TBCK: variants seen among roughly 807,000 people sequenced by gnomAD.
The protein encoded by TBCK is TBC1 domain containing kinase.
A neutral mutation model predicts 113.4 loss-of-function variants in TBCK; 99 were observed. That is an observed-to-expected ratio of 0.87 (90% confidence interval 0.74 to 1.03). The LOEUF is 1.03. Ranked by LOEUF, TBCK falls within the 50% of genes least tolerant of loss-of-function variation. The probability of loss-of-function intolerance (pLI) is 0.00; values close to 1 mark genes in which losing one functional copy is unlikely to be tolerated. For missense variants in TBCK, 1,045 were observed against 1,061.3 expected, an observed-to-expected ratio of 0.98 and a Z score of 0.21; for synonymous variants, 369 against 370.8, an observed-to-expected ratio of 1.00 and a Z score of 0.05.
chr4:106,087,793 C>T lies in TBCK; in HGVS notation c.2571+7689G>A, dbSNP rs551319666. ...AGAACAGAGATCTCAGAAATAATACCACATGTCTACAACCATCTGATCTTC... is the reference window on the plus strand; with the variant it reads ...AGAACAGAGATCTCAGAAATAATACTACATGTCTACAACCATCTGATCTTC... On this transcript the variant is annotated intron_variant, in intron 25 of 25. Transcript: ENST00000394708. Among the ~76,000 whole-genome samples the T allele has an allele frequency of 6.6e-5, 10 of 152,256 alleles. No individual in the cohort carries two copies. The South Asian group carries it at 1.9e-3, about 28-fold the overall frequency.
chr4:106,049,103 G>A lies in TBCK; in HGVS notation c.2572-2423C>T, dbSNP rs566318590. Among the ~76,000 whole-genome samples the A allele has an allele frequency of 3.9e-5, 6 of 152,186 alleles. No homozygotes were observed. The South Asian group carries it at 1.2e-3, about 32-fold the overall frequency. ...TATCCATGTTAAATACTGGCCCCTG[G>A]CAGTGAAACCACGACTGCATCTTTT... On this transcript the variant is annotated intron_variant, in intron 25 of 25. Transcript: ENST00000394708.
chr4:106,314,616 A>ATTTTTTTTTT (rs869091052), intron 1 of TBCK, among the ~76,000 whole-genome samples: 2 of 102,060 alleles, frequency 2.0e-5, no homozygotes, highest in Non-Finnish European at 3.8e-5. Context: ...ATACTACTTG[A>ATTTTTTTTTT]TTTTTTTTTT....
chr4:106,212,455 C>G (rs915158778), intron 20 of TBCK, among the ~76,000 whole-genome samples: 1 of 152,086 alleles, frequency 6.6e-6, no homozygotes, highest in Non-Finnish European at 1.5e-5. Flanking sequence ...AAAATCAGGC[C>G]TGAATATCAT....
intron 21 of TBCK, 71 bp from the exon 22 acceptor site, chr4:106,193,841 A>AT (rs756246661): frequency 1.8e-4 from 178 of 1,016,738 alleles, no homozygotes; most frequent in Non-Finnish European, 2.4e-4. Flanking sequence ...AACTTACTTT[A>AT]CTAGTTCTAT....
chr4:106,078,856 A>G (rs1287327316), intron 25 of TBCK, among the ~76,000 whole-genome samples: 1 of 152,190 alleles, frequency 6.6e-6, no homozygotes, highest in Non-Finnish European at 1.5e-5. Flanking sequence ...CTTCAGGTCA[A>G]TATCTCTGAT....
chr4:106,229,450 T>C (rs1044464544), intron 19 of TBCK, among the ~76,000 whole-genome samples: 1 of 152,062 alleles, frequency 6.6e-6, no homozygotes, highest in Admixed American at 6.6e-5. Flanking sequence ...TCTAGTTTCA[T>C]TCTTCTGCAT....
chr4:106,086,222 TAGAC>T (rs1229779544), intron 25 of TBCK, among the ~76,000 whole-genome samples: 2 of 151,664 alleles, frequency 1.3e-5, no homozygotes, highest in African/African-American at 4.8e-5. Flanking sequence ...AAGAATCAAA[TAGAC>T]AGGATAAAAA....
At chr4:106,077,296 G>A (rs1032501201) in intron 25 of TBCK, among the ~76,000 whole-genome samples, 1 of 152,154 alleles carries the variant, frequency 6.6e-6, no homozygotes, top group African/African-American at 2.4e-5. Flanking sequence ...AAAGCGTGAT[G>A]ATAAGACCAA....
intron 11 of TBCK, 133 bp from the exon 12 acceptor site, chr4:106,242,702 A>C: frequency 1.9e-6 from 1 of 517,362 alleles, no homozygotes; most frequent in Non-Finnish European, 3.3e-6. Context: ...TGTTTAATAA[A>C]ACAATGTTTT....
intron 5 of TBCK, among the ~76,000 whole-genome samples, chr4:106,256,648 T>C (rs900002491): frequency 6.6e-6 from 1 of 152,018 alleles, no homozygotes; most frequent in Non-Finnish European, 1.5e-5. Context: ...AGCACCAACT[T>C]AGGCAGCTGC....
At position 106,140,696 on chromosome 4, in the gene TBCK, T is replaced by C. The variant is rs538416938; in HGVS notation, c.2236-24318A>G. On this transcript the variant is annotated intron_variant, in intron 23 of 25. Coordinates refer to ENST00000394708, the MANE Select transcript of TBCK (RefSeq NM_001163435.3). ...CTGAAAAATTTTCAGTAAGGTTTCA[T>C]TGTTTTTCAAGTCTAGTTAAATTTT... Among the ~76,000 whole-genome samples, 48 of 140,320 alleles carry C rather than the reference T, an allele frequency of 3.4e-4. 2 individuals are homozygous for C. The highest frequency in any genetic ancestry group is 1.2e-3 in the African/African-American group (48 of 39,302). The allele number at this position is 140,320 out of a possible 152,430, so 92.1% of individuals were successfully genotyped here.
At chr4:106,126,776 C>T (rs1745267161) in intron 23 of TBCK, among the ~76,000 whole-genome samples, 1 of 152,144 alleles carries the variant, frequency 6.6e-6, no homozygotes, top group African/African-American at 2.4e-5. Context: ...ATCTGAGCAC[C>T]ATGATGGTTA....
rs1371779329 is a variant in TBCK at position 106,232,990 on chromosome 4, C to T, written c.1587G>A (p.Arg529=). The T allele has an allele frequency of 6.2e-7, 1 of 1,612,356 alleles. No homozygotes were observed. The highest frequency in any genetic ancestry group is 1.7e-5 in the Admixed American group (1 of 59,848). Residue 529 remains arginine (R), a synonymous_variant, in exon 17 of 26, where the codon AGG becomes AGA. Transcript: ENST00000394708. ...LSSPEGHAKF[R]RVLKAWVVSH... Reference sequence around the variant, plus strand: ...ACACTACCCAGGCTTTTAATACACGCCTAAATTTTGCATGACCTTCTGGTG... The same window carrying T: ...ACACTACCCAGGCTTTTAATACACGTCTAAATTTTGCATGACCTTCTGGTG...
intron 20 of TBCK, among the ~76,000 whole-genome samples, chr4:106,197,341 A>AGTGTGTGTGTGT (rs34095868): frequency 2.1e-5 from 3 of 142,264 alleles, no homozygotes; most frequent in African/African-American, 7.9e-5. Flanking sequence ...ATTACTGAAG[A>AGTGTGTGTGTGT]GTGTGTGTGT....
At chr4:106,068,493 G>A (rs1345216059) in intron 25 of TBCK, among the ~76,000 whole-genome samples, 1 of 152,038 alleles carries the variant, frequency 6.6e-6, no homozygotes, top group Admixed American at 6.6e-5. Context: ...CTTTTTTATG[G>A]CTGCATAATA....
intron 25 of TBCK, among the ~76,000 whole-genome samples, chr4:106,078,674 A>G (rs1738508294): frequency 6.6e-6 from 1 of 152,056 alleles, no homozygotes; most frequent in South Asian, 2.1e-4. Context: ...CCTGAACCAG[A>G]TGGATTCACA....
intron 23 of TBCK, among the ~76,000 whole-genome samples, chr4:106,120,833 G>A (rs1049392623): frequency 2.0e-5 from 3 of 152,072 alleles, no homozygotes; most frequent in African/African-American, 7.2e-5. Context: ...CATCATCAAA[G>A]ACCAAAAGCA....
At chr4:106,250,054 T>C (rs1761259034) in intron 7 of TBCK, among the ~76,000 whole-genome samples, 2 of 152,116 alleles carry the variant, frequency 1.3e-5, no homozygotes, top group African/African-American at 4.8e-5. Context: ...TTGTACATGA[T>C]TCATCAAATA....
Position 106,236,575 on chromosome 4 carries a change from TTC to T in TBCK, c.1221-58_1221-57del, listed in dbSNP as rs1759497139. ...AAAAATGGACAAAAGGTACAAAATT[TTC>T]TTTTTTTTTCCTAACTCTACCAACA... On this transcript the variant is annotated intron_variant, in intron 13 of 25. Coordinates refer to ENST00000394708, the MANE Select transcript of TBCK (RefSeq NM_001163435.3). The T allele has an allele frequency of 2.3e-5, 32 of 1,361,888 alleles. No individual in the cohort carries two copies. In the South Asian group the frequency reaches 6.5e-4, roughly 28 times the overall value. The allele number at this position is 1,361,888 out of a possible 1,614,324, so 84.4% of individuals were successfully genotyped here. A position where few individuals can be genotyped will look rare whatever the true frequency, so the allele number is the denominator to read the frequency against.
Sources: gnomAD v4.1 joint callset for allele counts (sites outside exome capture counted in the v4.1 genomes callset) on GRCh38, gnomAD v4.1.1 for gene constraint, MANE v1.5 for transcripts, NCBI Gene and HGNC (gene_info 2026-07-23, HGNC 2026-07-21) for gene names.